Variants in DLGAP2 observed in about 807,000 individuals in gnomAD.
The protein encoded by DLGAP2 is DLG associated protein 2, also known as disks large-associated protein 2.
A neutral mutation model predicts 100.3 loss-of-function variants in DLGAP2; 26 were observed. The ratio of observed to expected loss-of-function variants is 0.26; its 90% CI spans 0.19 to 0.36. The LOEUF is 0.36. Ranked by LOEUF, DLGAP2 falls within the 10% of genes least tolerant of loss-of-function variation. DLGAP2 has a pLI of 1.00. For synonymous variants in DLGAP2, 886 were observed against 630.1 expected (o/e 1.41, Z -6.08); for missense variants, 1,858 against 1,453.2 (o/e 1.28, Z -4.53).
chr8:1,232,741 A>G (rs1165552947), intron 2 of DLGAP2, among the ~76,000 whole-genome samples: 1 of 152,210 alleles, frequency 6.6e-6, no homozygotes, highest in Non-Finnish European at 1.5e-5. Flanking sequence ...GAGGCCACTC[A>G]CTCATTCACA....
At chr8:888,329 C>G (rs138333455) in intron 1 of DLGAP2, among the ~76,000 whole-genome samples, 85 of 152,308 alleles carry the variant, frequency 5.6e-4, no homozygotes, top group African/African-American at 1.9e-3. Context: ...TTAGAACATG[C>G]TCCTTTAGCT....
At chr8:1,614,838 T>G (rs1261419446) in intron 6 of DLGAP2, among the ~76,000 whole-genome samples, 2 of 142,402 alleles carry the variant, frequency 1.4e-5, no homozygotes, top group African/African-American at 6.2e-5. Context: ...ACACATGCAT[T>G]GCACGTGCAC....
intron 3 of DLGAP2, among the ~76,000 whole-genome samples, chr8:1,411,046 A>T (rs1395983902): frequency 2.0e-5 from 3 of 152,160 alleles, no homozygotes; most frequent in African/African-American, 7.2e-5. Flanking sequence ...AGTGCATAAA[A>T]GGTGACTAAA....
At chr8:902,192 T>C (rs1395071453) in intron 1 of DLGAP2, among the ~76,000 whole-genome samples, 1 of 152,148 alleles carries the variant, frequency 6.6e-6, no homozygotes, top group African/African-American at 2.4e-5. Flanking sequence ...GCTCCCCTCC[T>C]CGGGCGCCCA....
intron 1 of DLGAP2, among the ~76,000 whole-genome samples, chr8:903,903 C>T (rs751456635): frequency 2.7e-4 from 41 of 152,348 alleles, no homozygotes; most frequent in Non-Finnish European, 4.9e-4. Context: ...CTCAGACTCA[C>T]ATTCGTCAGG....
intron 2 of DLGAP2, among the ~76,000 whole-genome samples, chr8:921,758 G>A (rs1347920205): frequency 2.0e-5 from 3 of 152,238 alleles, no homozygotes; most frequent in East Asian, 1.9e-4. Context: ...CTGTCGGGCC[G>A]CCTCCCATTG....
chr8:1,497,972 G>C (rs1799599737), intron 3 of DLGAP2, among the ~76,000 whole-genome samples: 1 of 152,228 alleles, frequency 6.6e-6, no homozygotes, highest in African/African-American at 2.4e-5. Context: ...GTGTGGTCAA[G>C]ATACAGCTTT....
chr8:893,048 G>T (rs1331426894), intron 1 of DLGAP2: 3 of 152,210 alleles, frequency 2.0e-5, no homozygotes, highest in African/African-American at 7.2e-5. Context: ...CCAGAGGAAA[G>T]CCCGGGGCTA....
intron 2 of DLGAP2, among the ~76,000 whole-genome samples, chr8:1,179,881 G>C (rs978157513): frequency 6.6e-6 from 1 of 152,164 alleles, no homozygotes; most frequent in Non-Finnish European, 1.5e-5. Flanking sequence ...TAGCTAAAGT[G>C]TACAAATAAT....
chr8:1,506,593 A>G (rs1175818401), intron 4 of DLGAP2, among the ~76,000 whole-genome samples: 1 of 152,200 alleles, frequency 6.6e-6, no homozygotes, highest in African/African-American at 2.4e-5. Context: ...CACACTGCCC[A>G]AGACGATCTC....
At chr8:1,415,123 C>G (rs904552352) in intron 3 of DLGAP2, among the ~76,000 whole-genome samples, 14 of 152,240 alleles carry the variant, frequency 9.2e-5, no homozygotes, top group Non-Finnish European at 1.9e-4. Flanking sequence ...TGCACACATG[C>G]ATACAAACAG....
rs78259824 is a variant in DLGAP2 at position 1,506,260 on chromosome 8, C to T, written c.172+4829C>T. Among the ~76,000 whole-genome samples, 750 of 152,274 alleles carry T rather than the reference C, an allele frequency of 4.9e-3. 8 individuals carry two copies. Among genetic ancestry groups the T allele is most frequent in the African/African-American group, 0.017 (711 of 41,548 alleles). On this transcript the variant is annotated intron_variant, in intron 4 of 14. Coordinates refer to ENST00000637795, the MANE Select transcript of DLGAP2 (RefSeq NM_001346810.2). ...TTCAAAAAACAAAAACCCAGCTCTA[C>T]CTATACTTGTCATTTTATCGTCCAT...
chr8:1,123,522 T>G (rs1796096715), intron 2 of DLGAP2, among the ~76,000 whole-genome samples: 2 of 152,164 alleles, frequency 1.3e-5, no homozygotes, highest in Non-Finnish European at 2.9e-5. Flanking sequence ...TTGGAGACTC[T>G]AAAAGGAAAA....
chr8:1,039,661 G>GTGGTCAGCTTGGTGTGC (rs1563158914), intron 2 of DLGAP2, among the ~76,000 whole-genome samples: 1 of 15,794 alleles, frequency 6.3e-5, no homozygotes, highest in African/African-American at 3.1e-4. Context: ...GCTCGGTGTG[G>GTGGTCAGCTTGGTGTGC]GTGGTCAGCT....
At chr8:1,164,515 G>A (rs561435386) in intron 2 of DLGAP2, among the ~76,000 whole-genome samples, 8 of 152,178 alleles carry the variant, frequency 5.3e-5, no homozygotes, top group South Asian at 4.2e-4. Context: ...CAGGTTGGGC[G>A]TGTGGGAACT....
At chr8:846,427 T>C (rs1263430191) in intron 1 of DLGAP2, among the ~76,000 whole-genome samples, 2 of 152,224 alleles carry the variant, frequency 1.3e-5, no homozygotes, top group Non-Finnish European at 2.9e-5. Flanking sequence ...ACTTAACATA[T>C]GTCCTTTATA....
intron 1 of DLGAP2, among the ~76,000 whole-genome samples, chr8:881,096 A>G (rs1486114649): frequency 2.0e-5 from 3 of 152,266 alleles, no homozygotes; most frequent in Non-Finnish European, 2.9e-5. Context: ...CGAAGATTAC[A>G]TAAAAATGAC....
At chr8:837,943 C>G (rs186269822) in intron 1 of DLGAP2, among the ~76,000 whole-genome samples, 5 of 149,912 alleles carry the variant, frequency 3.3e-5, no homozygotes, top group Admixed American at 3.3e-4. Flanking sequence ...CCATGTTGGC[C>G]AGGCTGCTCC....
At chr8:1,169,924 A>G (rs1164201050) in intron 2 of DLGAP2, among the ~76,000 whole-genome samples, 4 of 151,994 alleles carry the variant, frequency 2.6e-5, no homozygotes, top group Non-Finnish European at 5.9e-5. Context: ...ACTAGGTTGA[A>G]TAGGAGTGGT....
Sources: gnomAD v4.1 joint callset for allele counts (sites outside exome capture counted in the v4.1 genomes callset) on GRCh38, gnomAD v4.1.1 for gene constraint, MANE v1.5 for transcripts, NCBI Gene and HGNC (gene_info 2026-07-23, HGNC 2026-07-21) for gene names.